ZNF486: variants seen among roughly 807,000 people sequenced by gnomAD.
The protein encoded by ZNF486 is zinc finger protein 486, also known as KRAB box only protein 2.
Under a neutral mutation model 12.8 loss-of-function variants are expected in ZNF486, and 12 were observed. The observed-to-expected ratio is 0.94, with a 90% CI of 0.60 to 1.52. ZNF486 has a LOEUF of 1.52. ZNF486 is among the 40% of genes most tolerant of loss of function. ZNF486 has a pLI of 0.00. For missense variants in ZNF486, 738 were observed against 545.0 expected (o/e 1.35, Z -3.53); for synonymous variants, 231 against 184.9 (o/e 1.25, Z -2.02).
At chr19:20,193,676 AT>A (rs553210891) in intron 3 of ZNF486, among the ~76,000 whole-genome samples, 100 of 152,220 alleles carry the variant, frequency 6.6e-4, no homozygotes, top group South Asian at 4.8e-3. Context: ...ATAAAAAAAA[AT>A]ATGTCTTTTG....
At chr19:20,194,621 A>C (rs2089939655) in intron 3 of ZNF486, among the ~76,000 whole-genome samples, 1 of 152,096 alleles carries the variant, frequency 6.6e-6, no homozygotes. Context: ...CCAGCTACTC[A>C]GGACGCTGAG....
chr19:20,186,395 GAC>G, intron 3 of ZNF486, among the ~76,000 whole-genome samples: 1 of 152,090 alleles, frequency 6.6e-6, no homozygotes, highest in East Asian at 1.9e-4. Context: ...TTGCCTTGGG[GAC>G]ACACAAATAT....
In ZNF486 at chr19:20,184,467, C is replaced by T. The variant is rs534138701; in HGVS notation, c.142C>T (p.His48Tyr). The change falls in exon 2 of 4, where the codon CAC (histidine) becomes TAC (tyrosine). Residue 48 changes from histidine to tyrosine, a missense_variant. His to Tyr is a moderately conservative substitution (Grantham distance 83). Coordinates refer to ENST00000335117, the MANE Select transcript of ZNF486 (RefSeq NM_052852.4). ...YRDVMLENYR[H>Y]LVFLGIIVSK... ...GGATGTGATGTTAGAGAACTACAGA[C>T]ACCTGGTCTTCCTTGGTGAGGATAA... The T allele has an allele frequency of 6.8e-6, 11 of 1,610,982 alleles. No individual in the cohort carries two copies. The African/African-American group carries it at 1.3e-4, about 20-fold the overall frequency.
chr19:20,181,321 T>C (rs782312915), intron 1 of ZNF486, among the ~76,000 whole-genome samples: 5 of 152,178 alleles, frequency 3.3e-5, no homozygotes, highest in Middle Eastern at 3.4e-3. Flanking sequence ...GGGCAGATCA[T>C]GAGGTCAGGA....
At position 20,197,975 on chromosome 19, in the gene ZNF486, C is replaced by A; in HGVS notation, c.1265C>A (p.Thr422Asn). Residue 422 changes from threonine to asparagine, a missense_variant, in exon 4 of 4, where the codon ACT becomes AAT. Transcript: ENST00000335117. ...GKAYTTSSNL[T>N]EHKTTHTGEK... The stretch of plus-strand genomic sequence containing the variant: ...GCGTATACTACATCCTCAAATCTAA[C>A]TGAACATAAGACAACTCATACTGGA... The A allele has an allele frequency of 6.2e-7, 1 of 1,613,598 alleles. No homozygotes were observed. Among genetic ancestry groups the A allele is most frequent in the Non-Finnish European group, 8.5e-7 (1 of 1,179,740 alleles).
In ZNF486 at chr19:20,199,704, G is replaced by T. The variant is rs1020277688; in HGVS notation, c.*1602G>T. The T allele has an allele frequency of 2.0e-5, 3 of 150,144 alleles. No homozygotes were observed. The highest frequency in any genetic ancestry group is 4.4e-5 in the Non-Finnish European group (3 of 67,770). The allele number at this position is 150,144 out of a possible 1,614,324, so 9.3% of individuals were successfully genotyped here. A position where few individuals can be genotyped will look rare whatever the true frequency, so the allele number is the denominator to read the frequency against. ...GCCTGGGCAATAAGAGTGAAACTCTGTCTCCAGGAAAAAAAAAAATTTATT... is the reference window on the plus strand; with the variant it reads ...GCCTGGGCAATAAGAGTGAAACTCTTTCTCCAGGAAAAAAAAAAATTTATT... On this transcript the variant is annotated 3_prime_UTR_variant, in exon 4 of 4. Coordinates refer to ENST00000335117, the MANE Select transcript of ZNF486 (RefSeq NM_052852.4).
intron 1 of ZNF486, among the ~76,000 whole-genome samples, chr19:20,180,732 G>C (rs1467854587): frequency 1.3e-5 from 2 of 151,928 alleles, no homozygotes; most frequent in Non-Finnish European, 2.9e-5. Context: ...AGCCACTGTG[G>C]TCAGGCTGGT....
chr19:20,179,409 A>C (rs2089759991), intron 1 of ZNF486, among the ~76,000 whole-genome samples: 1 of 151,114 alleles, frequency 6.6e-6, no homozygotes, highest in Non-Finnish European at 1.5e-5. Flanking sequence ...GGCAACTTGA[A>C]TCTTTGCTCC....
intron 1 of ZNF486, among the ~76,000 whole-genome samples, chr19:20,179,199 T>C (rs1411675918): frequency 6.6e-6 from 1 of 152,244 alleles, no homozygotes; most frequent in Non-Finnish European, 1.5e-5. Context: ...CACAAGTGAC[T>C]ATAAATTAAA....
At chr19:20,172,324 A>G (rs1298098421) in intron 1 of ZNF486, among the ~76,000 whole-genome samples, 21 of 140,098 alleles carry the variant, frequency 1.5e-4, no homozygotes, top group African/African-American at 5.7e-4. Flanking sequence ...TTTTTTTTTG[A>G]GAGAGAGTTT....
At chr19:20,190,342 G>T (rs1008802230) in intron 3 of ZNF486, among the ~76,000 whole-genome samples, 1 of 152,170 alleles carries the variant, frequency 6.6e-6, no homozygotes, top group African/African-American at 2.4e-5. Context: ...GTGTCATTCA[G>T]TTTTTGTTAG....
At chr19:20,173,015 ATTG>A (rs1555714138) in intron 1 of ZNF486, among the ~76,000 whole-genome samples, 1 of 152,042 alleles carries the variant, frequency 6.6e-6, no homozygotes, top group Non-Finnish European at 1.5e-5. Context: ...TATTTTGTAG[ATTG>A]TTTACTCTGT....
intron 3 of ZNF486, chr19:20,188,287 AT>A (rs2089869842): frequency 5.1e-6 from 2 of 394,144 alleles, no homozygotes; most frequent in Non-Finnish European, 8.9e-6. Flanking sequence ...TTTGAAGGTA[AT>A]TTTCAAAAAG....
At chr19:20,184,567 C>A (rs1229255597) in intron 2 of ZNF486, 85 bp downstream of exon 2, 1 of 1,437,186 alleles carries the variant, frequency 7.0e-7, no homozygotes, top group South Asian at 1.5e-5. Flanking sequence ...GTAATTTATC[C>A]TTTGCATAAA....
At chr19:20,171,551 C>A (rs781975274) in intron 1 of ZNF486, among the ~76,000 whole-genome samples, 3 of 152,214 alleles carry the variant, frequency 2.0e-5, no homozygotes, top group African/African-American at 2.4e-5. Flanking sequence ...GCAGCAGCAA[C>A]CTGTTTTCTC....
chr19:20,198,240 AT>A lies in ZNF486; in HGVS notation c.*140del. 1 of 703,922 alleles carries A rather than the reference AT, an allele frequency of 1.4e-6. No individual in the cohort carries two copies. The highest frequency in any genetic ancestry group is 2.4e-6 in the Non-Finnish European group (1 of 423,514). The allele number at this position is 703,922 out of a possible 1,614,324, so 43.6% of individuals were successfully genotyped here. On this transcript the variant is annotated 3_prime_UTR_variant, in exon 4 of 4. Transcript: ENST00000335117. ...CAAGTAACTCTCCTTAGTAGCTAGG[AT>A]TACAGGGCTGCACCACCACACCTGG...
chr19:20,178,055 C>T (rs2089742101), intron 1 of ZNF486, among the ~76,000 whole-genome samples: 2 of 150,954 alleles, frequency 1.3e-5, no homozygotes, highest in Admixed American at 1.3e-4. Context: ...CTTTGAGTAG[C>T]TGGGATTACA....
At chr19:20,187,422 T>C (rs1400810887) in intron 3 of ZNF486, among the ~76,000 whole-genome samples, 9 of 151,988 alleles carry the variant, frequency 5.9e-5, no homozygotes, top group African/African-American at 1.9e-4. Context: ...AGTGCTACAT[T>C]AAAATAGAAG....
At chr19:20,169,548 G>A (rs919153417) in intron 1 of ZNF486, among the ~76,000 whole-genome samples, 1 of 152,204 alleles carries the variant, frequency 6.6e-6, no homozygotes, top group South Asian at 2.1e-4. Flanking sequence ...AGCCCCACAG[G>A]TAGTTAAGAT....
Sources: gnomAD v4.1 joint callset for allele counts (sites outside exome capture counted in the v4.1 genomes callset) on GRCh38, gnomAD v4.1.1 for gene constraint, MANE v1.5 for transcripts, NCBI Gene and HGNC (gene_info 2026-07-23, HGNC 2026-07-21) for gene names.